Variants in HKDC1 observed in about 807,000 individuals in gnomAD.
HKDC1 encodes hexokinase domain containing 1.
A neutral mutation model predicts 96.6 loss-of-function variants in HKDC1; 66 were observed. That is an observed-to-expected ratio of 0.68 (90% confidence interval 0.56 to 0.84). The LOEUF is 0.84. HKDC1 is among the 40% of genes least tolerant of loss of function. HKDC1 has a pLI of 0.00. For missense variants in HKDC1, 1,211 were observed against 1,208.1 expected (o/e 1.00, Z -0.04); for synonymous variants, 466 against 473.1 (o/e 0.98, Z 0.20).
intron 1 of HKDC1, among the ~76,000 whole-genome samples, chr10:69,220,915 C>G (rs1474231312): frequency 6.6e-6 from 1 of 152,100 alleles, no homozygotes; most frequent in Admixed American, 6.6e-5. Context: ...TTTAGGAGGC[C>G]GAGGTGGGCG....
Position 69,248,594 on chromosome 10 carries a change from T to G in HKDC1, c.1436T>G (p.Leu479Arg). 1.2e-6 allele frequency: 2 copies of G among 1,614,156 alleles called. No homozygotes were observed. The highest frequency in any genetic ancestry group is 1.7e-6 in the Non-Finnish European group (2 of 1,180,038). Residue 479 changes from leucine (L) to arginine (R), a missense_variant, in exon 10 of 18, where the codon CTG becomes CGG. Transcript: ENST00000354624. ...QIDRVLALFQ[L>R]TREQLVDVQA... is the part of the protein sequence containing the mutation. Reference sequence around the variant, plus strand: ...GACAGGGTGCTGGCTTTGTTCCAGCTGACCCGAGAGCAGCTCGTGGACGTG... The same window carrying G: ...GACAGGGTGCTGGCTTTGTTCCAGCGGACCCGAGAGCAGCTCGTGGACGTG...
intron 1 of HKDC1, among the ~76,000 whole-genome samples, chr10:69,225,449 C>T (rs984982015): frequency 6.6e-6 from 1 of 152,198 alleles, no homozygotes; most frequent in African/African-American, 2.4e-5. Flanking sequence ...TGAAGCCTGA[C>T]CTGGTTCCAT....
In HKDC1 at chr10:69,227,314, C is replaced by A; in HGVS notation, c.171C>A (p.Pro57=). ...MEKGLAKDTN[P]TAAVKMLPTF... ...AGGGCCTGGCAAAGGACACCAACCC[C>A]ACGGCTGCAGTGAAGATGTTGCCCA... Residue 57 remains proline, a synonymous_variant, in exon 2 of 18, where the codon CCC becomes CCA. Transcript: ENST00000354624. 6.2e-7 allele frequency: 1 copy of A among 1,614,190 alleles called. No homozygotes were observed. The highest frequency in any genetic ancestry group is 8.5e-7 in the Non-Finnish European group (1 of 1,180,028).
rs534402257 is a variant in HKDC1, at chr10:69,252,364, G to A, written c.1836+1712G>A. ...CTGTGTCTTAAAAAACAAACAAACA[G>A]GCCGGGAGCGGTGGCTCATGCCTAT... On this transcript the variant is annotated intron_variant, in intron 12 of 17. Coordinates refer to ENST00000354624, the MANE Select transcript of HKDC1 (RefSeq NM_025130.4). 1.6e-3 allele frequency among the ~76,000 whole-genome samples: 237 copies of A among 152,110 alleles called. 2 individuals are homozygous for A. The highest frequency in any genetic ancestry group is 5.1e-3 in the African/African-American group (212 of 41,492).
In HKDC1 at chr10:69,246,338, C is replaced by T. The variant is rs1348290960; in HGVS notation, c.1031+104C>T. On this transcript the variant is annotated intron_variant, in intron 8 of 17. Transcript: ENST00000354624. ...CAGCAGGAGGGACTAGATCCTCCTC[C>T]TTCACCAGGAAGATTTCAGACCTGG... 5 of 1,272,768 alleles carry T rather than the reference C, an allele frequency of 3.9e-6. No homozygotes were observed. In the African/African-American group the frequency reaches 7.4e-5, roughly 19 times the overall value. 78.8% of individuals were successfully genotyped at this position (1,272,768 alleles called of 1,614,324 possible). A position where few individuals can be genotyped will look rare whatever the true frequency, so the allele number is the denominator to read the frequency against.
At chr10:69,262,405 G>T (rs1843823676) in intron 16 of HKDC1, among the ~76,000 whole-genome samples, 1 of 151,828 alleles carries the variant, frequency 6.6e-6, no homozygotes, top group Non-Finnish European at 1.5e-5. Context: ...TTTCACCATG[G>T]GCGCAGTGTT....
In HKDC1 at chr10:69,240,733, G is replaced by A. The variant is rs779081625; in HGVS notation, c.673G>A (p.Glu225Lys). 3 of 1,613,888 alleles carry A rather than the reference G, an allele frequency of 1.9e-6. No homozygotes were observed. The highest frequency in any genetic ancestry group is 1.7e-5 in the Admixed American group (1 of 59,998). Residue 225 changes from glutamate to lysine, a missense_variant, in exon 6 of 18, where the codon GAA (glutamate) becomes AAA (lysine). Physicochemically the swap from Glu to Lys is moderately conservative, Grantham distance 56. Coordinates refer to ENST00000354624, the MANE Select transcript of HKDC1 (RefSeq NM_025130.4). ...MTCAYDDPYC[E>K]VGVIIGTGTN... is the part of the protein sequence containing the mutation. ...CTGTGCCTATGACGACCCCTACTGC[G>A]AAGTTGGTGTCATCATCGGTAACTC...
chr10:69,262,921 C>CT (rs71035084), intron 16 of HKDC1, among the ~76,000 whole-genome samples: 52 of 145,724 alleles, frequency 3.6e-4, no homozygotes, highest in East Asian at 3.9e-4. Context: ...CTTTGCCTTG[C>CT]TTTTTTTTTT....
At chr10:69,245,923 A>G (rs773670096) in intron 7 of HKDC1, among the ~76,000 whole-genome samples, 156 bp from the exon 8 acceptor site, 12 of 152,204 alleles carry the variant, frequency 7.9e-5, no homozygotes, top group Non-Finnish European at 1.3e-4. Flanking sequence ...ATTTGAGACA[A>G]AAGTTCTTGC....
chr10:69,238,095 T>C (rs185281729), intron 4 of HKDC1, among the ~76,000 whole-genome samples: 20 of 152,350 alleles, frequency 1.3e-4, no homozygotes, highest in African/African-American at 4.8e-4. Flanking sequence ...TAATGCAAAT[T>C]GAGAACCATT....
chr10:69,231,992 C>T (rs892831548), intron 2 of HKDC1, among the ~76,000 whole-genome samples: 1 of 152,208 alleles, frequency 6.6e-6, no homozygotes, highest in African/African-American at 2.4e-5. Context: ...CTGGCTGCAC[C>T]TTTGCTACTC....
At chr10:69,232,545 A>G in intron 2 of HKDC1, 1 of 571,220 alleles carries the variant, frequency 1.8e-6, no homozygotes, top group Non-Finnish European at 3.1e-6. Context: ...GGTTGGGCTC[A>G]GGCTGCAGAG....
At chr10:69,247,985 G>A (rs1843568929) in intron 9 of HKDC1, among the ~76,000 whole-genome samples, 1 of 152,168 alleles carries the variant, frequency 6.6e-6, no homozygotes, top group South Asian at 2.1e-4. Flanking sequence ...AATAGAGATG[G>A]CACAGGTTGC....
At chr10:69,226,153 C>T (rs972359979) in intron 1 of HKDC1, among the ~76,000 whole-genome samples, 26 of 152,156 alleles carry the variant, frequency 1.7e-4, no homozygotes, top group African/African-American at 5.8e-4. Context: ...GGAAGCTTTG[C>T]TGCCGTCCCT....
intron 7 of HKDC1, among the ~76,000 whole-genome samples, chr10:69,245,094 G>A (rs532743161): frequency 8.1e-4 from 123 of 152,210 alleles, no homozygotes; most frequent in Non-Finnish European, 1.5e-3. Flanking sequence ...AGTAGAGACA[G>A]GGTTTCACCA....
rs1214057381 is a variant in HKDC1, at chr10:69,243,281, T to C, written c.791T>C (p.Phe264Ser). The change falls in exon 7 of 18, where the codon TTC becomes TCC. Residue 264 changes from phenylalanine (F) to serine (S), a missense_variant. Transcript: ENST00000354624. ...RMCINTEWGA[F>S]GDDGALEDIR... Reference sequence around the variant, plus strand: ...TGCATCAACACAGAGTGGGGGGCCTTCGGGGACGACGGGGCCCTGGAGGAC... The same window carrying C: ...TGCATCAACACAGAGTGGGGGGCCTCCGGGGACGACGGGGCCCTGGAGGAC... 4 of 1,613,886 alleles carry C rather than the reference T, an allele frequency of 2.5e-6. No individual in the cohort carries two copies. Among genetic ancestry groups the C allele is most frequent in the Non-Finnish European group, 3.4e-6 (4 of 1,179,956 alleles).
intron 12 of HKDC1, among the ~76,000 whole-genome samples, chr10:69,255,190 G>T (rs1010037976): frequency 1.3e-5 from 2 of 152,216 alleles, no homozygotes; most frequent in Admixed American, 6.5e-5. Context: ...GGGGAGACCC[G>T]TGGGCAGCTA....
intron 4 of HKDC1, 100 bp from the exon 5 acceptor site, chr10:69,238,942 A>G (rs949509301): frequency 7.0e-6 from 5 of 711,544 alleles, no homozygotes; most frequent in Non-Finnish European, 1.2e-5. Flanking sequence ...CTTAGAGAAG[A>G]GAAGGCCATG....
In HKDC1 at chr10:69,246,321, G is replaced by A; in HGVS notation, c.1031+87G>A. Reference sequence around the variant, plus strand: ...TGCTCCATGTGGTAGGACAGCAGGAGGGACTAGATCCTCCTCCTTCACCAG... The same window carrying A: ...TGCTCCATGTGGTAGGACAGCAGGAAGGACTAGATCCTCCTCCTTCACCAG... On this transcript the variant is annotated intron_variant, in intron 8 of 17. Coordinates refer to ENST00000354624, the MANE Select transcript of HKDC1 (RefSeq NM_025130.4). 2.8e-6 allele frequency: 4 copies of A among 1,428,796 alleles called. No homozygotes were observed. In the South Asian group the frequency reaches 3.6e-5, roughly 13 times the overall value. The allele number at this position is 1,428,796 out of a possible 1,614,324, so 88.5% of individuals were successfully genotyped here. A position where few individuals can be genotyped will look rare whatever the true frequency, so the allele number is the denominator to read the frequency against.
Sources: allele counts gnomAD v4.1 joint callset (sites outside exome capture counted in the v4.1 genomes callset), GRCh38; gene constraint gnomAD v4.1.1; transcripts MANE v1.5; gene names NCBI Gene and HGNC (gene_info 2026-07-23, HGNC 2026-07-21).